PLCG2: variants seen among roughly 807,000 people sequenced by gnomAD.
PLCG2 encodes phospholipase C gamma 2.
Under a neutral mutation model 175.6 loss-of-function variants are expected in PLCG2, and 69 were observed. The observed-to-expected ratio is 0.39, with a 90% confidence interval of 0.32 to 0.48. PLCG2 has a LOEUF of 0.48. Ranked by LOEUF, PLCG2 falls within the 20% of genes least tolerant of loss-of-function variation. PLCG2 has a pLI of 0.91. For missense variants in PLCG2, 1,798 were observed against 1,650.9 expected (o/e 1.09, Z -1.54); for synonymous variants, 827 against 624.0 (o/e 1.33, Z -4.85).
In PLCG2 at chr16:81,802,415, G is replaced by T. The variant is rs187216291; in HGVS notation, c.193+16233G>T. On this transcript the variant is annotated intron_variant, in intron 2 of 32. Coordinates refer to ENST00000564138, the MANE Select transcript of PLCG2 (RefSeq NM_002661.5). ...GCGTGAGCCACCGCGCCCGGCCTCA[G>T]GTGGGTACAGTCTTATTCATGTCTG... Among the ~76,000 whole-genome samples, 140 of 151,614 alleles carry T rather than the reference G, an allele frequency of 9.2e-4. 1 individual carries two copies. Among genetic ancestry groups the T allele is most frequent in the African/African-American group, 3.3e-3 (135 of 41,344 alleles).
upstream of PLCG2, among the ~76,000 whole-genome samples, chr16:81,778,022 A>AAAAAC (rs1910490354): frequency 6.0e-5 from 5 of 83,354 alleles, no homozygotes; most frequent in African/African-American, 2.0e-4. Context: ...GTCTCAAAAA[A>AAAAAC]AAAAAAAAAC....
intron 1 of PLCG2, among the ~76,000 whole-genome samples, chr16:81,746,266 C>G (rs767923846): frequency 1.3e-5 from 2 of 152,194 alleles, no homozygotes; most frequent in East Asian, 1.9e-4. Context: ...ACTCGTGACA[C>G]GTGGGGGTCC....
intron 2 of PLCG2, among the ~76,000 whole-genome samples, chr16:81,850,376 A>G (rs1473186551): frequency 6.6e-6 from 1 of 152,216 alleles, no homozygotes; most frequent in Non-Finnish European, 1.5e-5. Flanking sequence ...AAAAAGTTTC[A>G]GTGCACGAAA....
intron 7 of PLCG2, among the ~76,000 whole-genome samples, chr16:81,874,621 T>G (rs1907676805): frequency 6.6e-6 from 1 of 152,174 alleles, no homozygotes. Flanking sequence ...TTTCTCAGGC[T>G]CCTGCAGGAG....
intron 1 of PLCG2, among the ~76,000 whole-genome samples, chr16:81,753,258 C>T (rs1205994546): frequency 1.3e-5 from 2 of 152,012 alleles, no homozygotes; most frequent in African/African-American, 2.4e-5. Flanking sequence ...CCACTCACAG[C>T]CCCATTGAGC....
At chr16:81,746,259 C>G (rs573764786) in intron 1 of PLCG2, among the ~76,000 whole-genome samples, 1 of 152,344 alleles carries the variant, frequency 6.6e-6, no homozygotes, top group East Asian at 1.9e-4. Context: ...TTCATCTACT[C>G]GTGACACGTG....
At chr16:81,867,935 G>C (rs187255417) in intron 5 of PLCG2, among the ~76,000 whole-genome samples, 2 of 152,216 alleles carry the variant, frequency 1.3e-5, no homozygotes, top group Non-Finnish European at 2.9e-5. Flanking sequence ...CTCTGACCTC[G>C]TGATCCGCCC....
rs1911763164 is a variant in PLCG2, at chr16:81,961,125, A to T, written c.*3127A>T. The T allele has an allele frequency of 4.3e-6, 1 of 231,098 alleles. No homozygotes were observed. Among genetic ancestry groups the T allele is most frequent in the African/African-American group, 2.2e-5 (1 of 45,252 alleles). The allele number at this position is 231,098 out of a possible 1,614,324, so 14.3% of individuals were successfully genotyped here. ...AATTTTTTGCTTTCAACAAAGTGGG[A>T]GGAACAGCCTGTAGATTTCTGAGTC... On this transcript the variant is annotated 3_prime_UTR_variant, in exon 33 of 33. Coordinates refer to ENST00000564138, the MANE Select transcript of PLCG2 (RefSeq NM_002661.5).
At chr16:81,805,469 A>C (rs1234133757) in intron 2 of PLCG2, among the ~76,000 whole-genome samples, 21 of 148,470 alleles carry the variant, frequency 1.4e-4, no homozygotes, top group East Asian at 7.9e-4. Flanking sequence ...ACTGCACTTC[A>C]GCCTGGGTAA....
At chr16:81,765,291 C>T (rs984587659) in intron 2 of PLCG2, among the ~76,000 whole-genome samples, 1 of 152,240 alleles carries the variant, frequency 6.6e-6, no homozygotes, top group Non-Finnish European at 1.5e-5. Flanking sequence ...CCACCCAAAG[C>T]TTGGAGAGAG....
intron 28 of PLCG2, among the ~76,000 whole-genome samples, chr16:81,938,135 T>A (rs1910793926): frequency 6.6e-6 from 1 of 152,168 alleles, no homozygotes; most frequent in African/African-American, 2.4e-5. Flanking sequence ...CCCCTTGTCC[T>A]CTGTGGGGGT....
intron 2 of PLCG2, among the ~76,000 whole-genome samples, chr16:81,807,887 C>G (rs564925088): frequency 9.9e-5 from 15 of 152,180 alleles, no homozygotes; most frequent in African/African-American, 3.1e-4. Context: ...AGCCAGATCT[C>G]TCAAGAACTC....
intron 25 of PLCG2, among the ~76,000 whole-genome samples, chr16:81,932,767 T>G (rs1910556661): frequency 6.6e-6 from 1 of 152,216 alleles, no homozygotes; most frequent in Non-Finnish European, 1.5e-5. Flanking sequence ...ATCGTCTTTC[T>G]CTGACCCAGG....
chr16:81,911,482 G>T (rs181052764), intron 18 of PLCG2, among the ~76,000 whole-genome samples: 1 of 152,128 alleles, frequency 6.6e-6, no homozygotes, highest in African/African-American at 2.4e-5. Context: ...CTGTTGCCCA[G>T]GCTGGAGTGC....
chr16:81,744,459 A>T (rs62046368), intron 1 of PLCG2, among the ~76,000 whole-genome samples: 81,329 of 151,570 alleles, frequency 0.54, 22,979 homozygotes, highest in Non-Finnish European at 0.63. Context: ...CACCGCACCC[A>T]GTCCCCCAAC....
At chr16:81,864,092 A>G (rs1907111449) in intron 5 of PLCG2, among the ~76,000 whole-genome samples, 1 of 152,158 alleles carries the variant, frequency 6.6e-6, no homozygotes, top group Non-Finnish European at 1.5e-5. Flanking sequence ...GGCTGTCTAG[A>G]GGGCAATTTT....
At chr16:81,883,454 C>G (rs1234726784) in intron 9 of PLCG2, 113 bp downstream of exon 9, 4 of 755,360 alleles carry the variant, frequency 5.3e-6, no homozygotes, top group Admixed American at 2.1e-5. Flanking sequence ...ACCTGGCCAC[C>G]TGTGCTCACC....
intron 31 of PLCG2, among the ~76,000 whole-genome samples, chr16:81,950,057 A>G (rs1443718890): frequency 1.3e-5 from 2 of 152,236 alleles, no homozygotes; most frequent in African/African-American, 4.8e-5. Context: ...AAACTTGACC[A>G]AGAGAGTAAA....
intron 31 of PLCG2, 64 bp downstream of exon 31, chr16:81,946,327 C>G: frequency 8.7e-7 from 1 of 1,144,112 alleles, no homozygotes; most frequent in South Asian, 1.2e-5. Context: ...GTAGAAACGG[C>G]CCGTGAATAC....
Sources: gnomAD v4.1 joint callset for allele counts (sites outside exome capture counted in the v4.1 genomes callset) on GRCh38, gnomAD v4.1.1 for gene constraint, MANE v1.5 for transcripts, NCBI Gene and HGNC (gene_info 2026-07-23, HGNC 2026-07-21) for gene names.